MARCHF3: variants seen among roughly 807,000 people sequenced by gnomAD.
MARCHF3 encodes E3 ubiquitin-protein ligase MARCHF3.
A neutral mutation model predicts 24.2 loss-of-function variants in MARCHF3; 13 were observed. That is an observed-to-expected ratio of 0.54 (90% CI 0.35 to 0.85). The LOEUF (loss-of-function observed/expected upper bound fraction) is 0.85. MARCHF3 is among the 40% of genes least tolerant of loss of function. The pLI, the probability that MARCHF3 is intolerant of heterozygous loss-of-function variation, is 0.01. For missense variants in MARCHF3, 276 were observed against 325.0 expected, an observed-to-expected ratio of 0.85 and a Z score of 1.16; for synonymous variants, 144 against 137.3, an observed-to-expected ratio of 1.05 and a Z score of -0.34.
intron 1 of MARCHF3, among the ~76,000 whole-genome samples, chr5:126,953,329 C>T (rs1027695137): frequency 6.6e-6 from 1 of 152,106 alleles, no homozygotes; most frequent in South Asian, 2.1e-4. Flanking sequence ...GTTTTCTAAA[C>T]CTGCCACTAC....
chr5:126,890,960 A>C (rs1186822487), intron 3 of MARCHF3, among the ~76,000 whole-genome samples: 4 of 149,678 alleles, frequency 2.7e-5, no homozygotes, highest in Non-Finnish European at 4.5e-5. Flanking sequence ...TTGTTTCCTG[A>C]CTTTTTAATG....
intron 3 of MARCHF3, among the ~76,000 whole-genome samples, chr5:126,896,180 C>T (rs1561782879): frequency 6.6e-6 from 1 of 152,134 alleles, no homozygotes; most frequent in African/African-American, 2.4e-5. Flanking sequence ...GCGCACGGTG[C>T]GTGCACCCAC....
intron 1 of MARCHF3, among the ~76,000 whole-genome samples, chr5:126,923,389 G>C (rs970406416): frequency 1.3e-5 from 2 of 152,176 alleles, no homozygotes; most frequent in African/African-American, 4.8e-5. Flanking sequence ...TCAAGAAGTG[G>C]GAGAAATTTG....
intron 1 of MARCHF3, among the ~76,000 whole-genome samples, chr5:126,927,417 G>A (rs191816661): frequency 2.6e-5 from 4 of 152,208 alleles, no homozygotes; most frequent in African/African-American, 4.8e-5. Context: ...AACCTCTTTA[G>A]GGAACCTCTT....
At chr5:126,926,849 G>A (rs1749313029) in intron 1 of MARCHF3, among the ~76,000 whole-genome samples, 1 of 151,786 alleles carries the variant, frequency 6.6e-6, no homozygotes, top group South Asian at 2.1e-4. Context: ...AGTTAAGTCT[G>A]TAGAGCAACA....
chr5:127,026,350 C>T (rs1455247498), intron 1 of MARCHF3, among the ~76,000 whole-genome samples: 4 of 152,156 alleles, frequency 2.6e-5, no homozygotes, highest in African/African-American at 9.7e-5. Flanking sequence ...CTTAACATGA[C>T]AACAGACAAA....
intron 3 of MARCHF3, among the ~76,000 whole-genome samples, chr5:126,908,537 T>C (rs1754386745): frequency 6.6e-6 from 1 of 152,180 alleles, no homozygotes; most frequent in Admixed American, 6.5e-5. Context: ...TTCTTTTTTC[T>C]CTAAACTTCC....
intron 1 of MARCHF3, among the ~76,000 whole-genome samples, chr5:127,015,133 G>A (rs1580490225): frequency 6.6e-6 from 1 of 152,080 alleles, no homozygotes; most frequent in Admixed American, 6.6e-5. Context: ...ATAAATTTGA[G>A]AAATTACTTT....
intron 4 of MARCHF3, among the ~76,000 whole-genome samples, chr5:126,871,666 C>T (rs1002993178): frequency 1.3e-5 from 2 of 151,830 alleles, no homozygotes; most frequent in Non-Finnish European, 2.9e-5. Flanking sequence ...AATAAGCATC[C>T]TATATTTTCT....
At chr5:126,896,503 A>C (rs1753922839) in intron 3 of MARCHF3, among the ~76,000 whole-genome samples, 1 of 152,118 alleles carries the variant, frequency 6.6e-6, no homozygotes, top group Admixed American at 6.6e-5. Context: ...TTTTAGCTTG[A>C]GTGATCCTGA....
intron 1 of MARCHF3, among the ~76,000 whole-genome samples, chr5:126,954,827 C>T (rs190918067): frequency 2.6e-5 from 4 of 152,172 alleles, no homozygotes; most frequent in Admixed American, 6.5e-5. Context: ...ACTTAAGTCT[C>T]CTGTTTCCCA....
intron 1 of MARCHF3, among the ~76,000 whole-genome samples, chr5:126,991,386 C>G (rs1163531529): frequency 6.6e-6 from 1 of 151,808 alleles, no homozygotes; most frequent in Non-Finnish European, 1.5e-5. Context: ...CATCACACAC[C>G]GGGGCCTGTT....
intron 1 of MARCHF3, among the ~76,000 whole-genome samples, chr5:127,008,377 G>C (rs1455400009): frequency 1.3e-5 from 2 of 152,196 alleles, no homozygotes; most frequent in South Asian, 2.1e-4. Context: ...ACTGAGAGAC[G>C]AATCAAGTGA....
rs34252891 is a variant in MARCHF3, at chr5:126,870,008, C to CT, written c.*624dup. 2 of 147,050 alleles carry CT rather than the reference C, an allele frequency of 1.4e-5. No homozygotes were observed. Among genetic ancestry groups the CT allele is most frequent in the Non-Finnish European group, 3.0e-5 (2 of 67,686 alleles). The allele number at this position is 147,050 out of a possible 1,614,324, so 9.1% of individuals were successfully genotyped here. On this transcript the variant is annotated 3_prime_UTR_variant, in exon 5 of 5. Coordinates refer to ENST00000308660, the MANE Select transcript of MARCHF3 (RefSeq NM_178450.5). ...ACAGCTCACTGTGTGAGCTCACGCC[C>CT]TTTTTCCCTTTAAAAACTGAATAAT...
intron 1 of MARCHF3, among the ~76,000 whole-genome samples, chr5:126,924,414 A>T (rs977231979): frequency 2.0e-5 from 3 of 152,334 alleles, no homozygotes; most frequent in Non-Finnish European, 1.5e-5. Flanking sequence ...AACGGGAAAA[A>T]AAATGGCAAT....
chr5:126,901,987 T>C (rs573227496), intron 3 of MARCHF3, among the ~76,000 whole-genome samples: 12 of 152,270 alleles, frequency 7.9e-5, no homozygotes, highest in South Asian at 4.1e-4. Flanking sequence ...TCTAATTGTC[T>C]GCCTTTCAAA....
At chr5:126,919,804 A>G (rs1749038026) in intron 1 of MARCHF3, among the ~76,000 whole-genome samples, 1 of 152,054 alleles carries the variant, frequency 6.6e-6, no homozygotes, top group African/African-American at 2.4e-5. Context: ...TCCCACCCTC[A>G]TTGGCTGCCT....
At chr5:127,010,409 C>T (rs1752437901) in intron 1 of MARCHF3, among the ~76,000 whole-genome samples, 1 of 152,210 alleles carries the variant, frequency 6.6e-6, no homozygotes, top group South Asian at 2.1e-4. Context: ...CATTCCCTGA[C>T]AGAAGCCTAG....
chr5:126,925,865 G>A (rs1749276889), intron 1 of MARCHF3, among the ~76,000 whole-genome samples: 1 of 152,222 alleles, frequency 6.6e-6, no homozygotes, highest in African/African-American at 2.4e-5. Flanking sequence ...ATGATATTCA[G>A]TGTGACCAGC....
Sources: allele counts gnomAD v4.1 joint callset (sites outside exome capture counted in the v4.1 genomes callset), GRCh38; gene constraint gnomAD v4.1.1; transcripts MANE v1.5; gene names NCBI Gene and HGNC (gene_info 2026-07-23, HGNC 2026-07-21).